The following COBL variants were observed in gnomAD, a reference collection of about 807,000 sequenced individuals.
COBL encodes the protein protein cordon-bleu.
In COBL, 51 loss-of-function variants were observed where a neutral mutation model predicts 98.8. The ratio of observed to expected loss-of-function variants is 0.52; its 90% confidence interval spans 0.41 to 0.65. COBL has a LOEUF of 0.65. Among genes scored for constraint, COBL ranks in the 30% least tolerant of loss-of-function variants. The pLI, the probability that COBL is intolerant of heterozygous loss-of-function variation, is 0.00. For missense variants in COBL, 1,617 were observed against 1,617.5 expected (o/e 1.00, Z 0.01); for synonymous variants, 634 against 651.7 (o/e 0.97, Z 0.41).
At chr7:51,158,360 G>A (rs978875754) in intron 5 of COBL, among the ~76,000 whole-genome samples, 27 of 152,220 alleles carry the variant, frequency 1.8e-4, no homozygotes, top group African/African-American at 5.8e-4. Context: ...CAAACCTACC[G>A]GATGGCGGAA....
At chr7:51,250,035 G>A (rs566238698) in intron 1 of COBL, among the ~76,000 whole-genome samples, 1 of 152,046 alleles carries the variant, frequency 6.6e-6, no homozygotes, top group Non-Finnish European at 1.5e-5. Flanking sequence ...CCGGGAGGTG[G>A]AGGTTACAGT....
rs541779524 is a variant in COBL, at chr7:51,208,312, G to A, written c.245+11429C>T. On this transcript the variant is annotated intron_variant, in intron 2 of 12. Transcript: ENST00000265136. ...TGGGAAGTGAGGAGCGTCTCCGCCC[G>A]GCAGCCACCCCGTCCAGGAGGGAGG... Among the ~76,000 whole-genome samples the A allele has an allele frequency of 1.3e-4, 19 of 151,850 alleles. No individual in the cohort carries two copies. The East Asian group carries it at 3.3e-3, about 27-fold the overall frequency.
intron 1 of COBL, among the ~76,000 whole-genome samples, chr7:51,282,154 A>C (rs926419540): frequency 1.3e-5 from 2 of 152,148 alleles, no homozygotes. Context: ...CAAAGAAAAA[A>C]ATAGTTAAAT....
At chr7:51,256,182 C>T (rs1048248143) in intron 1 of COBL, among the ~76,000 whole-genome samples, 3 of 152,140 alleles carry the variant, frequency 2.0e-5, no homozygotes, top group Admixed American at 6.5e-5. Context: ...CCCAAGACAG[C>T]AGTCCTTTAA....
chr7:51,213,327 C>T (rs1225912978), intron 2 of COBL, among the ~76,000 whole-genome samples: 1 of 152,194 alleles, frequency 6.6e-6, no homozygotes, highest in Non-Finnish European at 1.5e-5. Flanking sequence ...CTCCATCTCC[C>T]GTCCAACCGC....
chr7:51,096,216 A>G (rs1328932437), intron 6 of COBL, among the ~76,000 whole-genome samples: 2 of 152,194 alleles, frequency 1.3e-5, no homozygotes, highest in African/African-American at 4.8e-5. Flanking sequence ...AGTAAAACGA[A>G]AAGTGAAAAA....
At chr7:51,071,179 AAAAG>A (rs1056154869) in intron 7 of COBL, 11 of 152,352 alleles carry the variant, frequency 7.2e-5, no homozygotes, top group African/African-American at 2.6e-4. Flanking sequence ...CATGATGGAA[AAAAG>A]AAACAGACAT....
chr7:51,069,390 T>G (rs1295398), intron 7 of COBL, among the ~76,000 whole-genome samples: 112,612 of 152,200 alleles, frequency 0.74, 42,735 homozygotes, highest in African/African-American at 0.91. Context: ...TAAATTTCTT[T>G]TTGGAAAAAC....
chr7:51,067,496 G>C (rs2128919127), intron 7 of COBL, among the ~76,000 whole-genome samples: 1 of 152,334 alleles, frequency 6.6e-6, no homozygotes, highest in Middle Eastern at 3.4e-3. Flanking sequence ...CATGAGTCTA[G>C]ATATGCATGC....
chr7:51,106,081 G>A (rs994348227), intron 6 of COBL, among the ~76,000 whole-genome samples: 4 of 149,798 alleles, frequency 2.7e-5, no homozygotes, highest in Non-Finnish European at 3.0e-5. Flanking sequence ...GCACGCACCT[G>A]TAATCCCAGC....
At position 51,316,648 on chromosome 7, in the gene COBL, G is replaced by C; in HGVS notation, c.-15C>G. Reference sequence around the variant, plus strand: ...GGCGCGTCCATGGTGCCGGGGGCCGGGACGCGGGCGGTGCTCCGGGCCCGC... The same window carrying C: ...GGCGCGTCCATGGTGCCGGGGGCCGCGACGCGGGCGGTGCTCCGGGCCCGC... On this transcript the variant is annotated 5_prime_UTR_variant, in exon 1 of 13. Coordinates refer to ENST00000265136, the MANE Select transcript of COBL (RefSeq NM_015198.5). 8.4e-7 allele frequency: 1 copy of C among 1,194,958 alleles called. No homozygotes were observed. Among genetic ancestry groups the C allele is most frequent in the Non-Finnish European group, 1.0e-6 (1 of 964,042 alleles). 74.0% of individuals were successfully genotyped at this position (1,194,958 alleles called of 1,614,324 possible). A position where few individuals can be genotyped will look rare whatever the true frequency, so the allele number is the denominator to read the frequency against.
intron 7 of COBL, among the ~76,000 whole-genome samples, chr7:51,063,001 C>T (rs1252485844): frequency 6.6e-6 from 1 of 152,190 alleles, no homozygotes; most frequent in African/African-American, 2.4e-5. Context: ...TTTTTATAAG[C>T]TGTAGGGGGC....
At chr7:51,267,081 C>A (rs1258317069) in intron 1 of COBL, among the ~76,000 whole-genome samples, 1 of 152,184 alleles carries the variant, frequency 6.6e-6, no homozygotes, top group Non-Finnish European at 1.5e-5. Context: ...CACCACCACT[C>A]TCCCACCGCA....
intron 6 of COBL, among the ~76,000 whole-genome samples, chr7:51,131,858 C>T (rs940247349): frequency 2.0e-5 from 3 of 152,198 alleles, no homozygotes; most frequent in Non-Finnish European, 4.4e-5. Context: ...TCCCAAAGTG[C>T]TGGGATTACA....
At chr7:51,281,810 T>G (rs1799841367) in intron 1 of COBL, among the ~76,000 whole-genome samples, 1 of 152,072 alleles carries the variant, frequency 6.6e-6, no homozygotes, top group African/African-American at 2.4e-5. Flanking sequence ...AGAATAGAAA[T>G]AGTATGGAAA....
intron 6 of COBL, among the ~76,000 whole-genome samples, chr7:51,087,565 C>G (rs1336355404): frequency 6.6e-6 from 1 of 151,986 alleles, no homozygotes; most frequent in Non-Finnish European, 1.5e-5. Context: ...GTGGCGCGAT[C>G]TCGGGTTCCA....
intron 1 of COBL, among the ~76,000 whole-genome samples, chr7:51,255,589 A>G (rs1797125479): frequency 6.6e-6 from 1 of 152,192 alleles, no homozygotes; most frequent in Admixed American, 6.5e-5. Context: ...GAAGAGAACA[A>G]AGAAGGGGAC....
intron 6 of COBL, among the ~76,000 whole-genome samples, chr7:51,096,961 A>G (rs1211388361): frequency 6.6e-6 from 1 of 152,188 alleles, no homozygotes; most frequent in Non-Finnish European, 1.5e-5. Flanking sequence ...CCAAATATTG[A>G]TGAGGAGGAA....
intron 6 of COBL, among the ~76,000 whole-genome samples, chr7:51,125,855 C>T (rs1443408662): frequency 6.6e-6 from 1 of 152,184 alleles, no homozygotes; most frequent in Non-Finnish European, 1.5e-5. Context: ...AGACGTCACC[C>T]CACTGTCTTG....
Sources: allele counts gnomAD v4.1 joint callset (sites outside exome capture counted in the v4.1 genomes callset), GRCh38; gene constraint gnomAD v4.1.1; transcripts MANE v1.5; gene names NCBI Gene and HGNC (gene_info 2026-07-23, HGNC 2026-07-21).